Variants in MCM6 observed in about 807,000 individuals in gnomAD.
MCM6 encodes DNA replication licensing factor MCM6.
A neutral mutation model predicts 94.3 loss-of-function variants in MCM6; 46 were observed. The ratio of observed to expected loss-of-function variants is 0.49; its 90% CI spans 0.39 to 0.62. The LOEUF (loss-of-function observed/expected upper bound fraction) is 0.62. Ranked by LOEUF, MCM6 falls within the 20% of genes least tolerant of loss-of-function variation. The probability of loss-of-function intolerance (pLI) is 0.00; values close to 1 mark genes in which losing one functional copy is unlikely to be tolerated. For synonymous variants in MCM6, 335 were observed against 351.9 expected (o/e 0.95, Z 0.54); for missense variants, 865 against 1,017.9 (o/e 0.85, Z 2.04).
chr2:135,863,292 GA>G (rs1427402661), intron 7 of MCM6, among the ~76,000 whole-genome samples: 1 of 152,080 alleles, frequency 6.6e-6, no homozygotes, highest in Admixed American at 6.6e-5. Context: ...CAATAAGAAG[GA>G]AAAACAATTT....
chr2:135,876,394 G>C lies in MCM6; in HGVS notation c.-29C>G. 6.5e-7 allele frequency: 1 copy of C among 1,549,528 alleles called. No homozygotes were observed. The highest frequency in any genetic ancestry group is 1.4e-5 in the African/African-American group (1 of 73,088). On this transcript the variant is annotated 5_prime_UTR_variant, in exon 1 of 17. Coordinates refer to ENST00000264156, the MANE Select transcript of MCM6 (RefSeq NM_005915.6). ...TGCTTAGTGCCGAGGATTCGCCTGC[G>C]CCACGCTCGACCGCCACAAGTCGCT...
intron 11 of MCM6, among the ~76,000 whole-genome samples, chr2:135,853,803 T>A (rs1427606364): frequency 6.6e-6 from 1 of 152,004 alleles, no homozygotes; most frequent in South Asian, 2.1e-4. Context: ...TGCAGATATA[T>A]ACAGACAGTA....
intron 15 of MCM6, among the ~76,000 whole-genome samples, chr2:135,845,549 T>C (rs1679653553): frequency 6.6e-6 from 1 of 152,194 alleles, no homozygotes; most frequent in South Asian, 2.1e-4. Context: ...TCTTCTTTCA[T>C]AGCAGAGCAA....
At chr2:135,857,369 T>C (rs909473130) in intron 10 of MCM6, among the ~76,000 whole-genome samples, 12 of 152,216 alleles carry the variant, frequency 7.9e-5, no homozygotes, top group Non-Finnish European at 1.0e-4. Context: ...ACAAACTCAA[T>C]AGATGCCTTA....
At chr2:135,849,800 T>C (rs992113613) in intron 13 of MCM6, among the ~76,000 whole-genome samples, 2 of 152,154 alleles carry the variant, frequency 1.3e-5, no homozygotes, top group African/African-American at 4.8e-5. Context: ...ACTAGAAAAC[T>C]AGCTAGGTAA....
At chr2:135,852,107 C>A (rs913926288) in intron 12 of MCM6, among the ~76,000 whole-genome samples, 1 of 152,126 alleles carries the variant, frequency 6.6e-6, no homozygotes, top group Admixed American at 6.6e-5. Context: ...ACAAGAATCA[C>A]CCATAATCCT....
intron 6 of MCM6, among the ~76,000 whole-genome samples, chr2:135,865,749 G>A (rs75049555): frequency 1.4e-3 from 219 of 152,216 alleles, no homozygotes; most frequent in East Asian, 0.01. Flanking sequence ...AAAGGCATAC[G>A]TCAAAAGATT....
Position 135,839,890 on chromosome 2 carries a change from C to G in MCM6, c.*945G>C, listed in dbSNP as rs1487421764. ...GGGTATTAGACTGTCCCACGTGGGC[C>G]TTAGCCTCAGACAGTTATTTTGCTT... On this transcript the variant is annotated 3_prime_UTR_variant, in exon 17 of 17. Coordinates refer to ENST00000264156, the MANE Select transcript of MCM6 (RefSeq NM_005915.6). 1 of 152,164 alleles carries G rather than the reference C, an allele frequency of 6.6e-6. No individual in the cohort carries two copies. The highest frequency in any genetic ancestry group is 1.5e-5 in the Non-Finnish European group (1 of 68,038). 9.4% of individuals were successfully genotyped at this position (152,164 alleles called of 1,614,324 possible). A position where few individuals can be genotyped will look rare whatever the true frequency, so the allele number is the denominator to read the frequency against.
At chr2:135,850,406 T>TCTC (rs10648294) in intron 13 of MCM6, among the ~76,000 whole-genome samples, 2 of 152,000 alleles carry the variant, frequency 1.3e-5, no homozygotes, top group Non-Finnish European at 2.9e-5. Context: ...TCACCCACTC[T>TCTC]ATTTTTTACA....
In MCM6 at chr2:135,854,697, A is replaced by C. The variant is rs1027515154; in HGVS notation, c.1627-1782T>G. 7.2e-5 allele frequency among the ~76,000 whole-genome samples: 11 copies of C among 151,920 alleles called. No individual in the cohort carries two copies. In the East Asian group the frequency reaches 1.9e-3, roughly 27 times the overall value. ...CAGCCAGCCTGGGCAACATGGCAAA[A>C]TCCTGTTTCTACAAAAAACTCAAAA... is the stretch of plus-strand genomic sequence containing the variant. On this transcript the variant is annotated intron_variant, in intron 11 of 16. Coordinates refer to ENST00000264156, the MANE Select transcript of MCM6 (RefSeq NM_005915.6).
intron 10 of MCM6, 115 bp from the exon 11 acceptor site, chr2:135,856,998 A>G (rs1363153507): frequency 1.2e-6 from 1 of 846,388 alleles, no homozygotes; most frequent in African/African-American, 1.7e-5. Flanking sequence ...ATAATGACAT[A>G]CCCTTTTTCA....
chr2:135,841,189 T>C (rs889201075), intron 16 of MCM6, among the ~76,000 whole-genome samples: 2 of 152,178 alleles, frequency 1.3e-5, no homozygotes, highest in African/African-American at 4.8e-5. Flanking sequence ...AATTAAGAAA[T>C]ACTTAAATAT....
At position 135,876,319 on chromosome 2, in the gene MCM6, A is replaced by G; in HGVS notation, c.47T>C (p.Leu16Pro). The change falls in exon 1 of 17, where the codon CTG (leucine) becomes CCG (proline). Residue 16 changes from leucine to proline, a missense_variant. By Grantham distance (98) the Leu-to-Pro change is moderately conservative. This residue lies in a region of MCM6 where 404 missense variants were observed against 451.9 expected (regional missense o/e 0.89). Coordinates refer to ENST00000264156, the MANE Select transcript of MCM6 (RefSeq NM_005915.6). ...CTCGGCCACCTCGTCGCGGACCTCC[A>G]GGTGCTGGCTGCCGGCGCCCGGCTC... is the stretch of plus-strand genomic sequence containing the variant. ...AAEPGAGSQH[L>P]EVRDEVAEKC... is the part of the protein sequence containing the mutation. 6.2e-7 allele frequency: 1 copy of G among 1,611,044 alleles called. No individual in the cohort carries two copies. Among genetic ancestry groups the G allele is most frequent in the Admixed American group, 1.7e-5 (1 of 59,904 alleles).
At chr2:135,856,262 G>C (rs1679891044) in intron 11 of MCM6, among the ~76,000 whole-genome samples, 1 of 152,082 alleles carries the variant, frequency 6.6e-6, no homozygotes, top group Non-Finnish European at 1.5e-5. Flanking sequence ...GACCAACATG[G>C]TGAGACCCTG....
intron 12 of MCM6, 104 bp downstream of exon 12, chr2:135,852,683 C>A: frequency 1.1e-5 from 9 of 797,490 alleles, no homozygotes; most frequent in South Asian, 5.8e-5. Flanking sequence ...AATTTAGGAA[C>A]TAAGGTAGAT....
Position 135,852,383 on chromosome 2 carries a change from G to A in MCM6, c.1755+404C>T, listed in dbSNP as rs1277848057. Among the ~76,000 whole-genome samples the A allele has an allele frequency of 5.3e-5, 8 of 152,242 alleles. No homozygotes were observed. The South Asian group carries it at 6.2e-4, about 12-fold the overall frequency. On this transcript the variant is annotated intron_variant, in intron 12 of 16. Transcript: ENST00000264156. ...AGTCCAATACAATGCATCAATCACT[G>A]TAAAACAGTAATTTATATTTATCAT... is the stretch of plus-strand genomic sequence containing the variant.
chr2:135,844,612 T>C lies in MCM6; in HGVS notation c.2282A>G (p.Asp761Gly), dbSNP rs758298294. Reference sequence around the variant, plus strand: ...TTTATTTATAAGTTCTTCTTCAGAGTCTATCTCTGATTCGATTTCCTTCAA... The same window carrying C: ...TTTATTTATAAGTTCTTCTTCAGAGCCTATCTCTGATTCGATTTCCTTCAA... Reference protein sequence around the residue: ...WYLKEIESEIDSEEELINKKR... With the variant: ...WYLKEIESEIGSEEELINKKR... The change falls in exon 16 of 17, where the codon GAC (aspartate) becomes GGC (glycine). Residue 761 changes from aspartate to glycine, a missense_variant. Asp to Gly is a moderately conservative substitution (Grantham distance 94). Coordinates refer to ENST00000264156, the MANE Select transcript of MCM6 (RefSeq NM_005915.6). 1.3e-6 allele frequency: 2 copies of C among 1,587,254 alleles called. No individual in the cohort carries two copies. The highest frequency in any genetic ancestry group is 1.7e-6 in the Non-Finnish European group (2 of 1,167,996).
intron 2 of MCM6, 100 bp downstream of exon 2, chr2:135,872,597 C>A: frequency 8.0e-7 from 1 of 1,255,388 alleles, no homozygotes; most frequent in Non-Finnish European, 1.1e-6. Context: ...ACTGTGAAAG[C>A]TGACCTTCTG....
chr2:135,850,230 T>C (rs4988241), intron 13 of MCM6, among the ~76,000 whole-genome samples: 190 of 152,258 alleles, frequency 1.2e-3, no homozygotes, highest in African/African-American at 4.4e-3. Context: ...TCCTCCTCCT[T>C]CTTTGGTAAT....
Sources: gnomAD v4.1 joint callset for allele counts (sites outside exome capture counted in the v4.1 genomes callset) on GRCh38, gnomAD v4.1.1 for gene constraint, gnomAD v4.1.1 regional missense constraint, MANE v1.5 for transcripts, NCBI Gene and HGNC (gene_info 2026-07-23, HGNC 2026-07-21) for gene names.